The following PTCHD4 variants were observed in gnomAD, a reference collection of about 807,000 sequenced individuals.
The protein encoded by PTCHD4 is patched domain containing 4, also known as patched domain-containing protein 4.
A neutral mutation model predicts 58.1 loss-of-function variants in PTCHD4; 33 were observed. The ratio of observed to expected loss-of-function variants is 0.57; its 90% CI spans 0.43 to 0.76. The LOEUF (loss-of-function observed/expected upper bound fraction) is 0.76. Ranked by LOEUF, PTCHD4 falls within the 30% of genes least tolerant of loss-of-function variation. The pLI is 0.00. For synonymous variants in PTCHD4, 478 were observed against 409.6 expected, an observed-to-expected ratio of 1.17 and a Z score of -2.02; for missense variants, 1,058 against 1,027.1, an observed-to-expected ratio of 1.03 and a Z score of -0.41.
In PTCHD4 at chr6:48,081,603, A is replaced by G. The variant is rs143336270; in HGVS notation, c.-969-11677T>C. The stretch of plus-strand genomic sequence containing the variant: ...TATGCATATTATATAAAGTTATAAA[A>G]TAATTATTAAATGTGCTTCTTGCCT... On this transcript the variant is annotated intron_variant, in intron 1 of 4. Transcript: ENST00000339488. Among the ~76,000 whole-genome samples the G allele has an allele frequency of 9.1e-4, 139 of 152,300 alleles. 1 individual carries two copies. Among genetic ancestry groups the G allele is most frequent in the Middle Eastern group, 3.4e-3 (1 of 294 alleles).
chr6:47,985,582 A>G (rs1028346512), intron 4 of PTCHD4, among the ~76,000 whole-genome samples: 1 of 152,114 alleles, frequency 6.6e-6, no homozygotes, highest in Non-Finnish European at 1.5e-5. Flanking sequence ...CATTTAGTGG[A>G]TGATGAAAGA....
intron 4 of PTCHD4, among the ~76,000 whole-genome samples, chr6:47,982,862 T>C (rs1443842765): frequency 6.6e-6 from 1 of 152,208 alleles, no homozygotes; most frequent in Non-Finnish European, 1.5e-5. Flanking sequence ...GAATTTTGAA[T>C]GAAGTAATGA....
rs2114056187 is a variant in PTCHD4 at position 47,860,374 on chromosome 6, A to C, written c.*17929T>G. On this transcript the variant is annotated 3_prime_UTR_variant, in exon 5 of 5. Coordinates refer to ENST00000339488, the MANE Select transcript of PTCHD4 (RefSeq NM_001384253.1). Reference sequence around the variant, plus strand: ...GACAAAGAAATATATGACTCTAAAAACAAATTCAGGTATTTTGAGAATATA... The same window carrying C: ...GACAAAGAAATATATGACTCTAAAACCAAATTCAGGTATTTTGAGAATATA... Among the ~76,000 whole-genome samples, 1 of 152,178 alleles carries C rather than the reference A, an allele frequency of 6.6e-6. No homozygotes were observed.
rs907538957 is a variant in PTCHD4 at position 47,878,095 on chromosome 6, A to C, written c.*208T>G. The C allele has an allele frequency of 2.2e-5, 10 of 451,144 alleles. No individual in the cohort carries two copies. Among genetic ancestry groups the C allele is most frequent in the Non-Finnish European group, 3.9e-5 (10 of 257,058 alleles). 27.9% of individuals were successfully genotyped at this position (451,144 alleles called of 1,614,324 possible). ...ACATCCAGAAACTTGTTTTTAGAGGAGAACAAGGTTGCAAATAACTTTTTC... is the reference window on the plus strand; with the variant it reads ...ACATCCAGAAACTTGTTTTTAGAGGCGAACAAGGTTGCAAATAACTTTTTC... On this transcript the variant is annotated 3_prime_UTR_variant, in exon 5 of 5. Coordinates refer to ENST00000339488, the MANE Select transcript of PTCHD4 (RefSeq NM_001384253.1).
intron 1 of PTCHD4, among the ~76,000 whole-genome samples, chr6:48,071,514 A>AATCATTATTTT (rs1764974537): frequency 6.6e-6 from 1 of 152,222 alleles, no homozygotes; most frequent in African/African-American, 2.4e-5. Flanking sequence ...GAACTTATAA[A>AATCATTATTTT]ATAATGCATT....
intron 1 of PTCHD4, among the ~76,000 whole-genome samples, chr6:48,080,479 A>C (rs1233786118): frequency 6.6e-6 from 1 of 152,162 alleles, no homozygotes; most frequent in Non-Finnish European, 1.5e-5. Flanking sequence ...AGCAGCTGTA[A>C]AATTTAGTGT....
At chr6:47,909,744 T>C (rs949054049) in intron 4 of PTCHD4, among the ~76,000 whole-genome samples, 4 of 152,066 alleles carry the variant, frequency 2.6e-5, no homozygotes, top group African/African-American at 7.2e-5. Flanking sequence ...GCCTGGACTT[T>C]TTTTTTCTAT....
At chr6:47,968,634 T>C (rs1767385680) in intron 4 of PTCHD4, among the ~76,000 whole-genome samples, 1 of 152,216 alleles carries the variant, frequency 6.6e-6, no homozygotes. Flanking sequence ...TCATTTACTT[T>C]TCATACATTC....
chr6:47,881,926 A>C (rs1406580444), intron 4 of PTCHD4, among the ~76,000 whole-genome samples: 1 of 152,102 alleles, frequency 6.6e-6, no homozygotes, highest in African/African-American at 2.4e-5. Flanking sequence ...CATTTAGGAA[A>C]AGGCACGTTT....
intron 4 of PTCHD4, among the ~76,000 whole-genome samples, chr6:47,958,052 T>C (rs1330595711): frequency 2.6e-5 from 4 of 152,214 alleles, no homozygotes; most frequent in African/African-American, 9.7e-5. Context: ...TAGCTACTGA[T>C]AGAAAATGTG....
chr6:48,001,943 G>A (rs1768739138), intron 4 of PTCHD4, among the ~76,000 whole-genome samples: 1 of 152,152 alleles, frequency 6.6e-6, no homozygotes, highest in African/African-American at 2.4e-5. Context: ...TCAACAAGTG[G>A]GTGAAGGATA....
intron 1 of PTCHD4, among the ~76,000 whole-genome samples, chr6:48,079,316 C>G (rs1207147792): frequency 6.6e-6 from 1 of 152,016 alleles, no homozygotes; most frequent in African/African-American, 2.4e-5. Flanking sequence ...TGACAATTCT[C>G]CCATCAGAGT....
At chr6:47,941,875 TA>T (rs1766241068) in intron 4 of PTCHD4, among the ~76,000 whole-genome samples, 1 of 152,226 alleles carries the variant, frequency 6.6e-6, no homozygotes, top group Non-Finnish European at 1.5e-5. Context: ...GATATTTCCT[TA>T]AAAGTGGTCT....
chr6:48,058,631 A>G (rs1764504127), intron 3 of PTCHD4, among the ~76,000 whole-genome samples: 1 of 152,234 alleles, frequency 6.6e-6, no homozygotes, highest in African/African-American at 2.4e-5. Context: ...GAACCATCAG[A>G]GAAATAGAAA....
chr6:48,077,370 G>A (rs1275641348), intron 1 of PTCHD4, among the ~76,000 whole-genome samples: 5 of 152,196 alleles, frequency 3.3e-5, no homozygotes, highest in African/African-American at 1.2e-4. Context: ...AAGCTGCTTT[G>A]TCTACATTGA....
intron 3 of PTCHD4, among the ~76,000 whole-genome samples, chr6:48,050,060 A>G (rs542756207): frequency 6.6e-6 from 1 of 152,014 alleles, no homozygotes; most frequent in Non-Finnish European, 1.5e-5. Flanking sequence ...CTTATTAAGA[A>G]AAGAAGAATT....
In PTCHD4 at chr6:47,868,549, C is replaced by G. The variant is rs111938338; in HGVS notation, c.*9754G>C. Among the ~76,000 whole-genome samples the G allele has an allele frequency of 2.6e-3, 390 of 151,936 alleles. 3 individuals are homozygous for G. Among genetic ancestry groups the G allele is most frequent in the Middle Eastern group, 6.8e-3 (2 of 294 alleles). ...CACTGAATGGATAATTACTGAACGT[C>G]TGCAAAGCAGACATTGTGTGCTTCA... On this transcript the variant is annotated 3_prime_UTR_variant, in exon 5 of 5. Transcript: ENST00000339488.
At chr6:47,950,070 C>G (rs1033117739) in intron 4 of PTCHD4, among the ~76,000 whole-genome samples, 2 of 145,048 alleles carry the variant, frequency 1.4e-5, no homozygotes, top group African/African-American at 5.1e-5. Context: ...GTGACGTTCC[C>G]CTTCCTGTGT....
Position 47,864,159 on chromosome 6 carries a change from T to C in PTCHD4, c.*14144A>G, listed in dbSNP as rs1366702158. On this transcript the variant is annotated 3_prime_UTR_variant, in exon 5 of 5. Coordinates refer to ENST00000339488, the MANE Select transcript of PTCHD4 (RefSeq NM_001384253.1). ...CCTGAAAACTTGTTAGAAATGTAAA[T>C]TTTCAGGCCTCACTCCAGATCTATT... Among the ~76,000 whole-genome samples the C allele has an allele frequency of 6.6e-6, 1 of 151,850 alleles. No homozygotes were observed. Among genetic ancestry groups the C allele is most frequent in the African/African-American group, 2.4e-5 (1 of 41,366 alleles).
Sources: gnomAD v4.1 joint callset for allele counts (sites outside exome capture counted in the v4.1 genomes callset) on GRCh38, gnomAD v4.1.1 for gene constraint, MANE v1.5 for transcripts, NCBI Gene and HGNC (gene_info 2026-07-23, HGNC 2026-07-21) for gene names.